The following ADISSP variants were observed in gnomAD, a reference collection of about 807,000 sequenced individuals.
ADISSP encodes adipose-secreted signaling protein.
At chr20:3,759,048 CCTT>C in the ADISSP span, among the ~76,000 whole-genome samples, 1 of 152,206 alleles carries the variant, frequency 6.6e-6, no homozygotes, top group Non-Finnish European at 1.5e-5. The surrounding 1 kb of genome is among the most constrained non-coding windows in gnomAD (Gnocchi z 4.6). Context: ...CCAGTGCTCT[CCTT>C]CACAGTGCAA....
At chr20:3,761,006 C>T in the ADISSP span, among the ~76,000 whole-genome samples, 3 of 152,120 alleles carry the variant, frequency 2.0e-5, no homozygotes, top group African/African-American at 7.2e-5. Flanking sequence ...AACCCAAGCC[C>T]TCAAAAGCCC....
chr20:3,753,688 G>A, the ADISSP span: 1 of 313,290 alleles, frequency 3.2e-6, no homozygotes, highest in East Asian at 8.0e-5. Context: ...GCAGTAATGG[G>A]GCCACGACGC....
chr20:3,763,017 A>T, the ADISSP span, among the ~76,000 whole-genome samples: 3 of 152,174 alleles, frequency 2.0e-5, no homozygotes, highest in Non-Finnish European at 4.4e-5. Context: ...GCACTTTGGG[A>T]AGCCAAGGCG....
At chr20:3,767,376 G>GC in the ADISSP span, 1 of 152,356 alleles carries the variant, frequency 6.6e-6, no homozygotes, top group Admixed American at 6.5e-5. Context: ...ACCCCATTAC[G>GC]CCCCCGCCCT....
At chr20:3,754,063 C>A in the ADISSP span, 1 of 1,612,354 alleles carries the variant, frequency 6.2e-7, no homozygotes, top group South Asian at 1.1e-5. Flanking sequence ...GGGCCTCAGT[C>A]AAAGCCGTGC....
At chr20:3,755,733 ACTCC>A in the ADISSP span, 2 of 741,228 alleles carry the variant, frequency 2.7e-6, no homozygotes, top group South Asian at 1.8e-5. Context: ...AGAAAGCCCA[ACTCC>A]CTCCATCACT....
the ADISSP span, among the ~76,000 whole-genome samples, chr20:3,755,126 T>A: frequency 6.6e-6 from 1 of 152,090 alleles, no homozygotes. Context: ...ATCCACACGG[T>A]GTGTGTAGCT....
At chr20:3,761,645 G>T in the ADISSP span, among the ~76,000 whole-genome samples, 3 of 152,102 alleles carry the variant, frequency 2.0e-5, no homozygotes, top group Non-Finnish European at 4.4e-5. Context: ...CGAGGACCTG[G>T]TGTTTAAGAG....
At chr20:3,762,532 G>A in the ADISSP span, among the ~76,000 whole-genome samples, 6 of 152,188 alleles carry the variant, frequency 3.9e-5, no homozygotes, top group South Asian at 2.1e-4. Context: ...CACCATGCCC[G>A]GCTAATTTTT....
chr20:3,759,675 T>C, the ADISSP span, among the ~76,000 whole-genome samples: 1 of 152,066 alleles, frequency 6.6e-6, no homozygotes, highest in South Asian at 2.1e-4. This position sits in a 1 kb window ranked among gnomAD's most constrained non-coding sequence, Gnocchi z 4.6. Flanking sequence ...CAGATCACCC[T>C]GGCCTAAAAC....
the ADISSP span, among the ~76,000 whole-genome samples, chr20:3,756,884 G>C: frequency 1.3e-5 from 2 of 152,164 alleles, no homozygotes; most frequent in African/African-American, 4.8e-5. Flanking sequence ...AAATCTCGTG[G>C]AAAATTATTT....
chr20:3,758,100 T>C, the ADISSP span, among the ~76,000 whole-genome samples: 1 of 152,228 alleles, frequency 6.6e-6, no homozygotes, highest in Non-Finnish European at 1.5e-5. This position sits in a 1 kb window ranked among gnomAD's most constrained non-coding sequence, Gnocchi z 5.5. Context: ...CACCTTGTTA[T>C]TGCCATAGTT....
At chr20:3,754,217 A>G in the ADISSP span, 17 of 1,536,444 alleles carry the variant, frequency 1.1e-5, no homozygotes, top group East Asian at 3.9e-4. Context: ...CATGCGGCCC[A>G]CTAAGGGGAC....
At chr20:3,759,896 G>T in the ADISSP span, 1 of 987,036 alleles carries the variant, frequency 1.0e-6, no homozygotes, top group Non-Finnish European at 1.6e-6. The surrounding 1 kb of genome is among the most constrained non-coding windows in gnomAD (Gnocchi z 4.6). Context: ...TAGGGCTTGC[G>T]TGAGCCCCAG....
chr20:3,762,485 C>T, the ADISSP span, among the ~76,000 whole-genome samples: 1 of 152,066 alleles, frequency 6.6e-6, no homozygotes, highest in South Asian at 2.1e-4. Flanking sequence ...ATCCTCCCAC[C>T]CCAGCCTGCC....
At chr20:3,761,952 AC>A in the ADISSP span, among the ~76,000 whole-genome samples, 1 of 152,212 alleles carries the variant, frequency 6.6e-6, no homozygotes, top group African/African-American at 2.4e-5. Context: ...AGGATGACTG[AC>A]CTGTTTTTTG....
the ADISSP span, chr20:3,759,996 G>A: frequency 6.9e-6 from 11 of 1,604,216 alleles, no homozygotes; most frequent in Non-Finnish European, 9.4e-6. The surrounding 1 kb of genome is among the most constrained non-coding windows in gnomAD (Gnocchi z 4.6). Context: ...CACAGGTGGT[G>A]CGGGCCCTAC....
chr20:3,767,019 G>A, the ADISSP span, among the ~76,000 whole-genome samples: 1 of 151,998 alleles, frequency 6.6e-6, no homozygotes, highest in Non-Finnish European at 1.5e-5. Context: ...AAGGGTCCAG[G>A]TGTAGGACCC....
chr20:3,759,082 T>G, the ADISSP span, among the ~76,000 whole-genome samples: 5 of 152,276 alleles, frequency 3.3e-5, no homozygotes, highest in East Asian at 7.7e-4. This position sits in a 1 kb window ranked among gnomAD's most constrained non-coding sequence, Gnocchi z 4.6. Flanking sequence ...CCCTGGGGCC[T>G]ACCCCTAAGC....
Sources: gnomAD v4.1 joint callset for allele counts (sites outside exome capture counted in the v4.1 genomes callset) on GRCh38, gnomAD v4.1.1 for gene constraint, Gnocchi (gnomAD v3.1) non-coding constraint, MANE v1.5 for transcripts, NCBI Gene and HGNC (gene_info 2026-07-23, HGNC 2026-07-21) for gene names.